The following ZNF407 variants were observed in gnomAD, a reference collection of about 807,000 sequenced individuals.
The protein encoded by ZNF407 is zinc finger protein 407.
ZNF407 carries 17 observed loss-of-function variants against 131.2 expected under a neutral mutation model. The observed-to-expected ratio is 0.13, with a 90% CI of 0.09 to 0.19. The LOEUF is 0.19. Among genes scored for constraint, ZNF407 ranks in the 10% least tolerant of loss-of-function variants. The probability of loss-of-function intolerance (pLI) is 1.00; values close to 1 mark genes in which losing one functional copy is unlikely to be tolerated. For synonymous variants in ZNF407, 1,156 were observed against 1,062.0 expected (o/e 1.09, Z -1.72); for missense variants, 2,681 against 2,830.6 (o/e 0.95, Z 1.20).
intron 5 of ZNF407, 113 bp from the exon 6 acceptor site, chr18:74,880,923 A>G (rs1007997257): frequency 1.2e-5 from 11 of 892,274 alleles, no homozygotes; most frequent in African/African-American, 8.2e-5. Flanking sequence ...CCCATTTGAC[A>G]TATTTACATG....
intron 3 of ZNF407, among the ~76,000 whole-genome samples, chr18:74,679,693 T>C (rs1300643458): frequency 1.3e-5 from 2 of 152,238 alleles, no homozygotes; most frequent in Non-Finnish European, 2.9e-5. Context: ...ACACAGTTGC[T>C]TCTTTGCATC....
chr18:74,980,292 CAG>C, intron 8 of ZNF407, among the ~76,000 whole-genome samples: 1 of 148,686 alleles, frequency 6.7e-6, no homozygotes, highest in East Asian at 2.0e-4. Flanking sequence ...TCACTGGACA[CAG>C]TGTTAATTGC....
intron 8 of ZNF407, among the ~76,000 whole-genome samples, chr18:75,047,330 T>TA (rs1013941856): frequency 2.0e-5 from 3 of 152,050 alleles, no homozygotes; most frequent in African/African-American, 7.2e-5. Flanking sequence ...CTCATAACAC[T>TA]AAAAAAAGCA....
At chr18:74,814,569 A>G (rs1970241864) in intron 4 of ZNF407, among the ~76,000 whole-genome samples, 1 of 150,544 alleles carries the variant, frequency 6.6e-6, no homozygotes, top group Admixed American at 6.6e-5. Flanking sequence ...AAGAACAATC[A>G]GTATGATTTT....
At position 74,616,944 on chromosome 18, in the gene ZNF407, ACAC is replaced by A. The variant is rs1983323607; in HGVS notation, c.-53-14019_-53-14017del. The stretch of plus-strand genomic sequence containing the variant: ...ACGCACCATACACATCCATATCCAC[ACAC>A]CACACGCATCCATATCCACGCACCA... On this transcript the variant is annotated intron_variant, in intron 1 of 8. Coordinates refer to ENST00000299687, the MANE Select transcript of ZNF407 (RefSeq NM_017757.3). Among the ~76,000 whole-genome samples the A allele has an allele frequency of 9.3e-5, 2 of 21,510 alleles. 1 individual carries two copies. 14.1% of individuals were successfully genotyped at this position (21,510 alleles called of 152,430 possible). A position where few individuals can be genotyped will look rare whatever the true frequency, so the allele number is the denominator to read the frequency against.
At chr18:74,969,582 C>G (rs1214319762) in intron 8 of ZNF407, among the ~76,000 whole-genome samples, 1 of 152,146 alleles carries the variant, frequency 6.6e-6, no homozygotes, top group Admixed American at 6.5e-5. Flanking sequence ...AAGGGGTTCC[C>G]TGGCCAGGTC....
At chr18:75,062,828 T>G (rs8093540) in intron 8 of ZNF407, 32,094 of 227,354 alleles carry the variant, frequency 0.14, 2,732 homozygotes, top group African/African-American at 0.25. Flanking sequence ...TGATGGTGGT[T>G]GGGGGGAGGT....
intron 8 of ZNF407, among the ~76,000 whole-genome samples, chr18:75,047,947 A>G (rs1316837110): frequency 6.6e-6 from 1 of 152,210 alleles, no homozygotes; most frequent in Non-Finnish European, 1.5e-5. Flanking sequence ...AAACACATGA[A>G]TGTCTGTATT....
At chr18:74,788,472 T>C (rs537196310) in intron 4 of ZNF407, among the ~76,000 whole-genome samples, 1 of 152,194 alleles carries the variant, frequency 6.6e-6, no homozygotes, top group South Asian at 2.1e-4. Context: ...ACACGCTTGC[T>C]TCTAAAGTTT....
chr18:74,824,827 A>G (rs1193891670), intron 4 of ZNF407, among the ~76,000 whole-genome samples: 1 of 152,226 alleles, frequency 6.6e-6, no homozygotes, highest in East Asian at 1.9e-4. Context: ...TATTCCAAAG[A>G]ATATAAAAAG....
At chr18:74,625,089 T>C (rs1983729004) in intron 1 of ZNF407, among the ~76,000 whole-genome samples, 1 of 152,248 alleles carries the variant, frequency 6.6e-6, no homozygotes, top group African/African-American at 2.4e-5. Context: ...TGTGGTAGCA[T>C]TCAATATTTA....
At chr18:74,728,160 G>A (rs1297593291) in intron 3 of ZNF407, among the ~76,000 whole-genome samples, 2 of 152,206 alleles carry the variant, frequency 1.3e-5, no homozygotes, top group Admixed American at 6.5e-5. Context: ...TAAGAGTATA[G>A]CAATGGGGAT....
At chr18:74,993,498 C>G (rs1376257267) in intron 8 of ZNF407, among the ~76,000 whole-genome samples, 1 of 152,148 alleles carries the variant, frequency 6.6e-6, no homozygotes, top group Admixed American at 6.5e-5. Flanking sequence ...CAGGGGACCT[C>G]AGGAAAATTC....
chr18:74,797,029 G>C (rs1969932571), intron 4 of ZNF407, among the ~76,000 whole-genome samples: 2 of 152,158 alleles, frequency 1.3e-5, no homozygotes, highest in Admixed American at 6.5e-5. Context: ...ATGGTAACTG[G>C]GGACGAGAAG....
At position 74,633,086 on chromosome 18, in the gene ZNF407, C is replaced by T. The variant is rs2144667686; in HGVS notation, c.2067C>T (p.Ser689=). The part of the protein sequence containing the change: ...GKASQEEPLK[S]RVSHGNEVRH... Reference sequence around the variant, plus strand: ...CATCTCAGGAAGAACCTCTGAAGTCCAGGGTAAGCCATGGTAATGAAGTGA... The same window carrying T: ...CATCTCAGGAAGAACCTCTGAAGTCTAGGGTAAGCCATGGTAATGAAGTGA... Residue 689 remains serine, a synonymous_variant, in exon 2 of 9, where the codon TCC becomes TCT. Transcript: ENST00000299687. 2 of 1,613,768 alleles carry T rather than the reference C, an allele frequency of 1.2e-6. No individual in the cohort carries two copies. The highest frequency in any genetic ancestry group is 4.5e-5 in the East Asian group (2 of 44,860).
At chr18:75,036,538 G>A (rs1279989369) in intron 8 of ZNF407, among the ~76,000 whole-genome samples, 2 of 152,202 alleles carry the variant, frequency 1.3e-5, no homozygotes, top group Non-Finnish European at 2.9e-5. Flanking sequence ...TTTAAAGGAC[G>A]ATTACATTTG....
chr18:74,971,274 C>T (rs1049024633), intron 8 of ZNF407, among the ~76,000 whole-genome samples: 1 of 152,228 alleles, frequency 6.6e-6, no homozygotes, highest in Non-Finnish European at 1.5e-5. Context: ...TAACATTAGA[C>T]TGTTTGCTAC....
At chr18:74,795,967 C>T (rs534785125) in intron 4 of ZNF407, among the ~76,000 whole-genome samples, 7 of 152,356 alleles carry the variant, frequency 4.6e-5, no homozygotes, top group African/African-American at 1.2e-4. Context: ...CACACGCACA[C>T]GTGCCCTTGC....
At chr18:75,010,472 C>T (rs1315575718) in intron 8 of ZNF407, among the ~76,000 whole-genome samples, 1 of 152,146 alleles carries the variant, frequency 6.6e-6, no homozygotes, top group Admixed American at 6.6e-5. Context: ...AAGTGGGTCA[C>T]AGGCTGATTT....
Sources: gnomAD v4.1 joint callset for allele counts (sites outside exome capture counted in the v4.1 genomes callset) on GRCh38, gnomAD v4.1.1 for gene constraint, MANE v1.5 for transcripts, NCBI Gene and HGNC (gene_info 2026-07-23, HGNC 2026-07-21) for gene names.